Variants in STAG1 observed in about 807,000 individuals in gnomAD.
The protein encoded by STAG1 is STAG1 cohesin complex component, also known as cohesin subunit SA-1.
A neutral mutation model predicts 170.9 loss-of-function variants in STAG1; 26 were observed. The ratio of observed to expected loss-of-function variants is 0.15; its 90% CI spans 0.11 to 0.21. The LOEUF is 0.21. Ranked by LOEUF, STAG1 falls within the 10% of genes least tolerant of loss-of-function variation. The pLI is 1.00. For synonymous variants in STAG1, 514 were observed against 497.7 expected (o/e 1.03, Z -0.44); for missense variants, 964 against 1,509.5 (o/e 0.64, Z 5.99).
chr3:136,338,332 G>T, intron 33 of STAG1, 38 bp downstream of exon 33: 1 of 1,587,216 alleles, frequency 6.3e-7, no homozygotes, highest in Non-Finnish European at 8.7e-7. Flanking sequence ...CAGGACCCAG[G>T]AACCATAAAT....
intron 32 of STAG1, among the ~76,000 whole-genome samples, chr3:136,339,457 A>G (rs1316635293): frequency 2.0e-5 from 3 of 152,330 alleles, no homozygotes; most frequent in Non-Finnish European, 4.4e-5. Flanking sequence ...TGGGAGGCAG[A>G]GGTTGCAGTG....
intron 26 of STAG1, among the ~76,000 whole-genome samples, chr3:136,362,063 G>A (rs965331785): frequency 5.3e-5 from 8 of 151,836 alleles, no homozygotes; most frequent in African/African-American, 1.5e-4. Flanking sequence ...CCAAATGATT[G>A]TCTTGCCTCA....
chr3:136,520,324 A>T (rs1449216949), intron 7 of STAG1, among the ~76,000 whole-genome samples: 2 of 152,270 alleles, frequency 1.3e-5, no homozygotes, highest in East Asian at 3.9e-4. Context: ...ATGAGAAATT[A>T]AAATTTAAAT....
At chr3:136,472,526 T>A (rs550258633) in intron 11 of STAG1, 34 bp from the exon 12 acceptor site, 1 of 1,481,476 alleles carries the variant, frequency 6.8e-7, no homozygotes, top group South Asian at 1.1e-5. Context: ...AAACCAACTA[T>A]GAACAGAAAA....
intron 22 of STAG1, among the ~76,000 whole-genome samples, chr3:136,390,592 ATAAAAGG>A (rs2086983054): frequency 6.6e-6 from 1 of 152,260 alleles, no homozygotes; most frequent in South Asian, 2.1e-4. Flanking sequence ...TTTCCAATAA[ATAAAAGG>A]TGGGGGCAAA....
At chr3:136,423,357 C>CA (rs1458639988) in intron 16 of STAG1, among the ~76,000 whole-genome samples, 1 of 152,144 alleles carries the variant, frequency 6.6e-6, no homozygotes, top group Non-Finnish European at 1.5e-5. Context: ...GTTTTAATCT[C>CA]AGTGTGTTAA....
intron 2 of STAG1, among the ~76,000 whole-genome samples, chr3:136,624,223 C>A (rs1939989873): frequency 6.6e-6 from 1 of 151,922 alleles, no homozygotes. Flanking sequence ...CTCAGCCTCC[C>A]AAGTAGCTGG....
At chr3:136,457,838 G>A (rs1332884009) in intron 13 of STAG1, among the ~76,000 whole-genome samples, 1 of 152,120 alleles carries the variant, frequency 6.6e-6, no homozygotes, top group Non-Finnish European at 1.5e-5. Flanking sequence ...ATTCATGCCT[G>A]TAATCTCCAA....
At chr3:136,621,077 A>G (rs1939828445) in intron 3 of STAG1, among the ~76,000 whole-genome samples, 1 of 152,062 alleles carries the variant, frequency 6.6e-6, no homozygotes, top group Non-Finnish European at 1.5e-5. Context: ...GCAGTGAGCC[A>G]AGATCATGCC....
At chr3:136,514,195 G>C (rs1934227939) in intron 7 of STAG1, among the ~76,000 whole-genome samples, 1 of 152,062 alleles carries the variant, frequency 6.6e-6, no homozygotes, top group Non-Finnish European at 1.5e-5. Flanking sequence ...CAAGTTCTGT[G>C]CCCTCTTTAC....
At chr3:136,587,887 G>T (rs552044994) in intron 4 of STAG1, among the ~76,000 whole-genome samples, 5 of 151,776 alleles carry the variant, frequency 3.3e-5, no homozygotes, top group African/African-American at 1.2e-4. Context: ...GCTTGAACCC[G>T]GGGGGGCGGA....
intron 15 of STAG1, among the ~76,000 whole-genome samples, chr3:136,435,425 C>T (rs1024275957): frequency 2.0e-5 from 3 of 152,084 alleles, no homozygotes; most frequent in African/African-American, 7.2e-5. Flanking sequence ...TTAAGCACTA[C>T]GCTATACTGT....
chr3:136,531,974 GAGTAGGA>G lies in STAG1; in HGVS notation c.471+10138_471+10144del, dbSNP rs746090440. On this transcript the variant is annotated intron_variant, in intron 6 of 33. Coordinates refer to ENST00000383202, the MANE Select transcript of STAG1 (RefSeq NM_005862.3). ...ATTTAATGATGCACCTCAGGAACTA[GAGTAGGA>G]AGAACAAACCAAATGCAAAATTAAC... Among the ~76,000 whole-genome samples the G allele has an allele frequency of 1.2e-3, 181 of 150,270 alleles. 1 individual carries two copies. The highest frequency in any genetic ancestry group is 2.2e-3 in the Non-Finnish European group (146 of 67,614).
In STAG1 at chr3:136,337,278, A is replaced by ATGAT. The variant is rs113232719; in HGVS notation, c.*972_*975dup. On this transcript the variant is annotated 3_prime_UTR_variant, in exon 34 of 34. Coordinates refer to ENST00000383202, the MANE Select transcript of STAG1 (RefSeq NM_005862.3). ...ATGTTACACTTAAAATTACTTTTGA[A>ATGAT]TGATTGATAAAGGATTTCTTCATGA... 215 of 152,752 alleles carry ATGAT rather than the reference A, an allele frequency of 1.4e-3. No homozygotes were observed. Among genetic ancestry groups the ATGAT allele is most frequent in the African/African-American group, 2.9e-3 (121 of 41,576 alleles). The allele number at this position is 152,752 out of a possible 1,614,324, so 9.5% of individuals were successfully genotyped here.
At chr3:136,737,169 TAGA>T (rs1934389481) in intron 1 of STAG1, 3 of 754,450 alleles carry the variant, frequency 4.0e-6, no homozygotes, top group Admixed American at 3.5e-5. Context: ...CACCTCACTG[TAGA>T]AGGTCATAAA....
In STAG1 at chr3:136,423,017, G is replaced by C; in HGVS notation, c.1678C>G (p.Gln560Glu). The stretch of plus-strand genomic sequence containing the variant: ...GTCAATTTGTTTCTATCATCAATTT[G>C]AGTTTTCCTTTCTTTGGCAGTTAGC... ...RVLTAKERKTQIDDRNKLTEH... is the reference protein window; with the variant it reads ...RVLTAKERKTEIDDRNKLTEH... The change falls in exon 17 of 34, where the codon CAA becomes GAA. Residue 560 changes from glutamine (Q) to glutamate (E), a missense_variant. Transcript: ENST00000383202. 6.2e-7 allele frequency: 1 copy of C among 1,607,516 alleles called. No individual in the cohort carries two copies. The highest frequency in any genetic ancestry group is 8.5e-7 in the Non-Finnish European group (1 of 1,176,988).
chr3:136,611,949 G>A (rs1484227014), intron 3 of STAG1, among the ~76,000 whole-genome samples: 1 of 151,790 alleles, frequency 6.6e-6, no homozygotes, highest in Non-Finnish European at 1.5e-5. Flanking sequence ...CTGGGTTCAC[G>A]CCATTCTCCT....
intron 1 of STAG1, among the ~76,000 whole-genome samples, chr3:136,684,952 G>C (rs143860824): frequency 1.3e-5 from 2 of 152,176 alleles, no homozygotes; most frequent in African/African-American, 4.8e-5. Flanking sequence ...GATGACCCTG[G>C]GTTTGGAGAT....
chr3:136,420,428 G>A (rs919444679), intron 20 of STAG1, among the ~76,000 whole-genome samples: 2 of 151,458 alleles, frequency 1.3e-5, no homozygotes, highest in Non-Finnish European at 2.9e-5. Flanking sequence ...AACTCGTGGG[G>A]CTCAAGCAAT....
Sources: allele counts gnomAD v4.1 joint callset (sites outside exome capture counted in the v4.1 genomes callset), GRCh38; gene constraint gnomAD v4.1.1; transcripts MANE v1.5; gene names NCBI Gene and HGNC (gene_info 2026-07-23, HGNC 2026-07-21).